CHMP1A: variants seen among roughly 807,000 people sequenced by gnomAD.
CHMP1A encodes VPS46 homolog A.
In CHMP1A, 17 loss-of-function variants were observed where a neutral mutation model predicts 27.0. The ratio of observed to expected loss-of-function variants is 0.63; its 90% confidence interval spans 0.43 to 0.95. CHMP1A has a LOEUF of 0.95. Among genes scored for constraint, CHMP1A ranks in the 40% least tolerant of loss-of-function variants. CHMP1A has a pLI of 0.00. For missense variants in CHMP1A, 275 were observed against 264.0 expected (o/e 1.04, Z -0.29); for synonymous variants, 131 against 107.5 (o/e 1.22, Z -1.35).
chr16:89,654,047 G>T, intron 1 of CHMP1A, 124 bp from the exon 2 acceptor site: 1 of 1,032,124 alleles, frequency 9.7e-7, no homozygotes, highest in Non-Finnish European at 1.5e-6. Context: ...GACCACACCT[G>T]CCTGGGGCCT....
intron 6 of CHMP1A, 57 bp downstream of exon 6, chr16:89,646,470 T>G (rs925305121): frequency 6.8e-7 from 1 of 1,473,354 alleles, no homozygotes; most frequent in Non-Finnish European, 9.2e-7. Flanking sequence ...CCTCTCTCCC[T>G]TCCCACAGCA....
chr16:89,647,274 C>T lies in CHMP1A; in HGVS notation c.310G>A (p.Asp104Asn), dbSNP rs1220256304. ...ATCACTGAGGAGACCTTCTGCAGGT[C>T]CATGGTGCTCAGGGCCTTGTCCAGG... ...KALDKALSTM[D>N]LQKVSSVMDR... Residue 104 changes from aspartate to asparagine, a missense_variant, in exon 5 of 7, where the codon GAC becomes AAC. Coordinates refer to ENST00000397901, the MANE Select transcript of CHMP1A (RefSeq NM_002768.5). The T allele has an allele frequency of 6.2e-7, 1 of 1,611,834 alleles. No homozygotes were observed. Among genetic ancestry groups the T allele is most frequent in the Non-Finnish European group, 8.5e-7 (1 of 1,179,214 alleles).
At chr16:89,647,029 CCCTA>C in intron 5 of CHMP1A, 170 bp downstream of exon 5, 1 of 1,521,480 alleles carries the variant, frequency 6.6e-7, no homozygotes, top group Non-Finnish European at 8.8e-7. Flanking sequence ...GCCCTGCCCA[CCCTA>C]CCTGTCAGGG....
At chr16:89,650,179 C>CT (rs1175065969) in intron 3 of CHMP1A, among the ~76,000 whole-genome samples, 3 of 151,962 alleles carry the variant, frequency 2.0e-5, no homozygotes, top group Non-Finnish European at 2.9e-5. Flanking sequence ...ACCTTCTTTT[C>CT]TTTTTTTTCT....
chr16:89,648,778 C>T (rs950277715), intron 4 of CHMP1A, among the ~76,000 whole-genome samples: 4 of 100,538 alleles, frequency 4.0e-5, no homozygotes, highest in Non-Finnish European at 8.4e-5. Flanking sequence ...GTGGTCTCAG[C>T]TACTTGGGAG....
intron 4 of CHMP1A, 85 bp downstream of exon 4, chr16:89,649,266 G>A (rs1171463391): frequency 1.3e-6 from 2 of 1,523,570 alleles, no homozygotes; most frequent in Admixed American, 1.9e-5. Context: ...CGTCAACTCT[G>A]AGCTGCCCCA....
chr16:89,654,059 CG>C lies in CHMP1A; in HGVS notation c.8-137del, dbSNP rs1482937312. On this transcript the variant is annotated intron_variant, in intron 1 of 6. Transcript: ENST00000397901. The stretch of plus-strand genomic sequence containing the variant: ...ACAGACCACACCTGCCTGGGGCCTT[CG>C]GGGAGCCCCCCCCAACAGGGGAGGC... 4 of 919,382 alleles carry C rather than the reference CG, an allele frequency of 4.4e-6. No homozygotes were observed. In the Admixed American group the frequency reaches 5.6e-5, roughly 13 times the overall value. 57.0% of individuals were successfully genotyped at this position (919,382 alleles called of 1,614,324 possible).
chr16:89,655,304 G>C (rs888530872), intron 1 of CHMP1A, among the ~76,000 whole-genome samples: 1 of 152,170 alleles, frequency 6.6e-6, no homozygotes, highest in Non-Finnish European at 1.5e-5. Flanking sequence ...GCACAGTGCA[G>C]GCCAGGCGGG....
intron 4 of CHMP1A, among the ~76,000 whole-genome samples, chr16:89,648,610 G>C (rs1167806208): frequency 6.6e-6 from 1 of 152,344 alleles, no homozygotes; most frequent in East Asian, 1.9e-4. Context: ...GCCAGGTACA[G>C]TGACAGTGAG....
Position 89,647,272 on chromosome 16 carries a change from G to T in CHMP1A, c.312C>A (p.Asp104Glu), listed in dbSNP as rs745314879. ...CCATCACTGAGGAGACCTTCTGCAG[G>T]TCCATGGTGCTCAGGGCCTTGTCCA... The part of the protein sequence containing the change: ...KALDKALSTM[D>E]LQKVSSVMDR... Residue 104 changes from aspartate (D) to glutamate (E), a missense_variant, in exon 5 of 7, where the codon GAC becomes GAA. Coordinates refer to ENST00000397901, the MANE Select transcript of CHMP1A (RefSeq NM_002768.5). 2 of 1,611,810 alleles carry T rather than the reference G, an allele frequency of 1.2e-6. No homozygotes were observed. Among genetic ancestry groups the T allele is most frequent in the Non-Finnish European group, 1.7e-6 (2 of 1,179,184 alleles).
intron 2 of CHMP1A, among the ~76,000 whole-genome samples, chr16:89,653,178 C>T (rs966442328): frequency 2.7e-5 from 4 of 150,690 alleles, no homozygotes; most frequent in East Asian, 2.0e-4. Context: ...CCACCGCGCC[C>T]GGCTAATTTT....
At position 89,647,200 on chromosome 16, in the gene CHMP1A, T is replaced by A. The variant is rs1280753653; in HGVS notation, c.381+3A>T. The A allele has an allele frequency of 5.6e-6, 9 of 1,608,496 alleles. No individual in the cohort carries two copies. The highest frequency in any genetic ancestry group is 7.6e-6 in the Non-Finnish European group (9 of 1,178,090). On this transcript the variant is annotated splice_donor_region_variant and intron_variant, in intron 5 of 6. Transcript: ENST00000397901. ...CACAGCCCCAAGGGTAGGGGCCACA[T>A]ACCGATGTATGGACGTCCAGGTTCT...
In CHMP1A at chr16:89,648,882, G is replaced by A. The variant is rs191411456; in HGVS notation, c.252+469C>T. Among the ~76,000 whole-genome samples the A allele has an allele frequency of 3.7e-4, 56 of 150,088 alleles. 2 individuals are homozygous for A. The highest frequency in any genetic ancestry group is 8.7e-4 in the Admixed American group (13 of 14,998). On this transcript the variant is annotated intron_variant, in intron 4 of 6. Coordinates refer to ENST00000397901, the MANE Select transcript of CHMP1A (RefSeq NM_002768.5). ...CTACTTAAAAATGAAAAGATCAGCC[G>A]GGCATGGTGGTGGATGCCTGTGGTC... is the stretch of plus-strand genomic sequence containing the variant.
At chr16:89,649,620 G>C in intron 3 of CHMP1A, 123 bp from the exon 4 acceptor site, 1 of 1,200,044 alleles carries the variant, frequency 8.3e-7, no homozygotes, top group Non-Finnish European at 1.2e-6. Context: ...CTGTTGCCCA[G>C]GCTGGAGTGC....
intron 4 of CHMP1A, 118 bp from the exon 5 acceptor site, chr16:89,647,449 A>T: frequency 2.2e-6 from 2 of 903,202 alleles, no homozygotes; most frequent in Non-Finnish European, 3.3e-6. Flanking sequence ...CTGACCCACA[A>T]AACCCCAACT....
Position 89,646,013 on chromosome 16 carries a change from G to T in CHMP1A, c.*53C>A. ...GGCAAGACGCGGTGGGGAGAGGACA[G>T]GAGCCTTCCAGCACATCACGGGGCA... On this transcript the variant is annotated 3_prime_UTR_variant, in exon 7 of 7. Coordinates refer to ENST00000397901, the MANE Select transcript of CHMP1A (RefSeq NM_002768.5). The T allele has an allele frequency of 6.2e-7, 1 of 1,609,230 alleles. No individual in the cohort carries two copies. Among genetic ancestry groups the T allele is most frequent in the East Asian group, 2.2e-5 (1 of 44,778 alleles).
At chr16:89,654,293 C>T (rs1043479888) in intron 1 of CHMP1A, among the ~76,000 whole-genome samples, 1 of 152,234 alleles carries the variant, frequency 6.6e-6, no homozygotes, top group Admixed American at 6.5e-5. Flanking sequence ...ATTAATGCAA[C>T]TTTGCAAATG....
chr16:89,650,165 T>A (rs907635957), intron 3 of CHMP1A, among the ~76,000 whole-genome samples: 2 of 152,156 alleles, frequency 1.3e-5, no homozygotes, highest in African/African-American at 4.8e-5. Context: ...CTGCACAAGA[T>A]CCTACCTTCT....
At chr16:89,651,498 C>G in intron 3 of CHMP1A, 71 bp downstream of exon 3, 2 of 1,479,520 alleles carry the variant, frequency 1.4e-6, no homozygotes, top group South Asian at 1.2e-5. Flanking sequence ...AAACAGGACA[C>G]AAAAATAAGG....
Sources: gnomAD v4.1 joint callset for allele counts (sites outside exome capture counted in the v4.1 genomes callset) on GRCh38, gnomAD v4.1.1 for gene constraint, MANE v1.5 for transcripts, NCBI Gene and HGNC (gene_info 2026-07-23, HGNC 2026-07-21) for gene names.